Variants in RAB2A observed in about 807,000 individuals in gnomAD.
RAB2A encodes ras-related protein Rab-2A.
Under a neutral mutation model 32.5 loss-of-function variants are expected in RAB2A, and 7 were observed. That is an observed-to-expected ratio of 0.22 (90% confidence interval 0.12 to 0.40). The LOEUF (loss-of-function observed/expected upper bound fraction) is 0.40. Ranked by LOEUF, RAB2A falls within the 10% of genes least tolerant of loss-of-function variation. RAB2A has a pLI of 1.00. For missense variants in RAB2A, 108 were observed against 260.7 expected, an observed-to-expected ratio of 0.41 and a Z score of 4.03; for synonymous variants, 79 against 85.2, an observed-to-expected ratio of 0.93 and a Z score of 0.40.
At chr8:60,548,511 G>T (rs1807781842) in intron 1 of RAB2A, among the ~76,000 whole-genome samples, 1 of 87,684 alleles carries the variant, frequency 1.1e-5, no homozygotes, top group Non-Finnish European at 2.1e-5. Flanking sequence ...GGCCGGGCGG[G>T]GGGCTGACCC....
At chr8:60,543,808 G>T (rs1452247909) in intron 1 of RAB2A, among the ~76,000 whole-genome samples, 4 of 152,150 alleles carry the variant, frequency 2.6e-5, no homozygotes, top group Admixed American at 6.5e-5. Flanking sequence ...TGTAATCCCA[G>T]CACTTTGGGA....
intron 1 of RAB2A, among the ~76,000 whole-genome samples, chr8:60,535,344 A>G (rs975127553): frequency 5.3e-5 from 8 of 152,240 alleles, no homozygotes; most frequent in African/African-American, 1.4e-4. Flanking sequence ...GTAAGCAAGC[A>G]TGGTAAACAG....
At chr8:60,566,162 G>T (rs1241005783) in intron 2 of RAB2A, among the ~76,000 whole-genome samples, 1 of 152,176 alleles carries the variant, frequency 6.6e-6, no homozygotes, top group East Asian at 1.9e-4. Context: ...GTGTGTGTTA[G>T]TGCCTTCTAA....
chr8:60,543,931 G>A (rs1021051421), intron 1 of RAB2A, among the ~76,000 whole-genome samples: 18 of 151,436 alleles, frequency 1.2e-4, no homozygotes, highest in Non-Finnish European at 2.2e-4. Flanking sequence ...TCATGTTGGC[G>A]GGTGCCTGTA....
intron 1 of RAB2A, among the ~76,000 whole-genome samples, chr8:60,548,735 A>C (rs1807789221): frequency 1.6e-5 from 2 of 127,622 alleles, no homozygotes; most frequent in African/African-American, 3.2e-5. Flanking sequence ...GGCACCCCTC[A>C]CCTGCCGGAT....
chr8:60,616,885 T>C (rs528821152), intron 6 of RAB2A, among the ~76,000 whole-genome samples: 53 of 152,328 alleles, frequency 3.5e-4, no homozygotes, highest in Admixed American at 1.3e-4. Flanking sequence ...TGAAAACATA[T>C]CAGTCCTGTT....
intron 6 of RAB2A, among the ~76,000 whole-genome samples, chr8:60,607,229 A>C (rs895711159): frequency 1.3e-4 from 20 of 149,558 alleles, no homozygotes; most frequent in African/African-American, 4.7e-4. Flanking sequence ...GGAGATCGAG[A>C]CCATCCTGGC....
chr8:60,548,936 A>G (rs1159336033), intron 1 of RAB2A, among the ~76,000 whole-genome samples: 2 of 148,390 alleles, frequency 1.3e-5, no homozygotes, highest in Middle Eastern at 3.7e-3. Flanking sequence ...GGCAGTTGCC[A>G]GGCAGAGGGT....
chr8:60,557,375 G>T (rs767396107), intron 1 of RAB2A, among the ~76,000 whole-genome samples: 1 of 152,042 alleles, frequency 6.6e-6, no homozygotes, highest in Admixed American at 6.6e-5. Flanking sequence ...AATTAATCGG[G>T]CATGGTGGTG....
intron 6 of RAB2A, among the ~76,000 whole-genome samples, chr8:60,599,833 AAG>A (rs1438136266): frequency 3.9e-5 from 6 of 152,164 alleles, no homozygotes; most frequent in Admixed American, 3.9e-4. Flanking sequence ...AAAAAAGAAA[AAG>A]AAAAATTTCA....
chr8:60,584,117 C>T (rs1803809901), intron 3 of RAB2A, 91 bp from the exon 4 acceptor site: 1 of 1,064,032 alleles, frequency 9.4e-7, no homozygotes, highest in Non-Finnish European at 1.4e-6. Flanking sequence ...TGCACTCCTT[C>T]CCTACCTGCT....
chr8:60,552,632 T>TAG (rs1807872969), intron 1 of RAB2A: 1 of 152,242 alleles, frequency 6.6e-6, no homozygotes, highest in Admixed American at 6.5e-5. Context: ...TTAGTAGAGT[T>TAG]AGAAAGAAAC....
At chr8:60,611,985 A>G (rs1431659176) in intron 6 of RAB2A, among the ~76,000 whole-genome samples, 3 of 152,106 alleles carry the variant, frequency 2.0e-5, no homozygotes, top group Admixed American at 2.0e-4. Flanking sequence ...TTTTTTTTTA[A>G]GTTCTGGGAT....
chr8:60,551,025 A>G (rs938285231), intron 1 of RAB2A, among the ~76,000 whole-genome samples: 2 of 151,994 alleles, frequency 1.3e-5, no homozygotes, highest in African/African-American at 2.4e-5. Context: ...CCACTGGCCT[A>G]TTTCCTCACC....
chr8:60,524,995 C>G (rs778635603), intron 1 of RAB2A, among the ~76,000 whole-genome samples: 3 of 152,172 alleles, frequency 2.0e-5, no homozygotes, highest in Non-Finnish European at 2.9e-5. Flanking sequence ...TTTATAGTTC[C>G]TACACCATAT....
intron 1 of RAB2A, among the ~76,000 whole-genome samples, chr8:60,543,047 G>C (rs561873773): frequency 7.2e-5 from 11 of 152,216 alleles, no homozygotes; most frequent in African/African-American, 2.2e-4. Flanking sequence ...AATATTTCTT[G>C]TGTTTGAGTA....
intron 6 of RAB2A, among the ~76,000 whole-genome samples, chr8:60,604,281 T>C (rs957725044): frequency 6.6e-6 from 1 of 152,182 alleles, no homozygotes; most frequent in African/African-American, 2.4e-5. Context: ...TGCAGAACCA[T>C]GATACAATTA....
At chr8:60,553,146 A>G (rs1055778103) in intron 1 of RAB2A, 2 of 152,224 alleles carry the variant, frequency 1.3e-5, no homozygotes, top group Non-Finnish European at 2.9e-5. Flanking sequence ...AACCAGCAGG[A>G]TATATGTGTG....
rs1257562182 is a variant in RAB2A, at chr8:60,548,807, C to T, written c.47-10045C>T. Among the ~76,000 whole-genome samples the T allele has an allele frequency of 5.0e-4, 73 of 146,626 alleles. 2 individuals carry two copies. The highest frequency in any genetic ancestry group is 1.4e-3 in the African/African-American group (54 of 38,624). ...CTCCCTCCCAGACGGGGCGGCTGGC[C>T]GGGCGGGGGGCTGACCCCCCCACCT... On this transcript the variant is annotated intron_variant, in intron 1 of 7. Transcript: ENST00000262646.
Sources: allele counts gnomAD v4.1 joint callset (sites outside exome capture counted in the v4.1 genomes callset), GRCh38; gene constraint gnomAD v4.1.1; transcripts MANE v1.5; gene names NCBI Gene and HGNC (gene_info 2026-07-23, HGNC 2026-07-21).